Variants in TRIM42 observed in about 807,000 individuals in gnomAD.
TRIM42 encodes the protein tripartite motif containing 42.
Under a neutral mutation model 64.9 loss-of-function variants are expected in TRIM42, and 59 were observed. The ratio of observed to expected loss-of-function variants is 0.91; its 90% CI spans 0.74 to 1.13. TRIM42 has a LOEUF of 1.13. Ranked by LOEUF, TRIM42 falls within the 50% of genes most tolerant of loss-of-function variation. The probability of loss-of-function intolerance (pLI) is 0.00; values close to 1 mark genes in which losing one functional copy is unlikely to be tolerated. For missense variants in TRIM42, 878 were observed against 929.5 expected (o/e 0.94, Z 0.72); for synonymous variants, 354 against 346.3 (o/e 1.02, Z -0.25).
At chr3:140,700,562 G>A (rs1429088991) in intron 4 of TRIM42, among the ~76,000 whole-genome samples, 1 of 152,186 alleles carries the variant, frequency 6.6e-6, no homozygotes, top group Non-Finnish European at 1.5e-5. Flanking sequence ...GCTGAGGAAG[G>A]ATACAGAGGA....
chr3:140,689,818 C>T (rs1274065442), intron 3 of TRIM42, among the ~76,000 whole-genome samples: 2 of 150,764 alleles, frequency 1.3e-5, no homozygotes, highest in South Asian at 2.1e-4. Flanking sequence ...ATCGTGTATG[C>T]TTATTACCTC....
rs1190528770 is a variant in TRIM42 at position 140,690,994 on chromosome 3, C to T, written c.1887C>T (p.Asp629=). The change falls in exon 4 of 5, where the codon GAC becomes GAT. Residue 629 remains aspartate (D), a synonymous_variant. Coordinates refer to ENST00000286349, the MANE Select transcript of TRIM42 (RefSeq NM_152616.5). Reference sequence around the variant, plus strand: ...TTTACTGGACATGTCCAGCAGAAGACGTGGACTCTTTTGAGATGGAATTCT... The same window carrying T: ...TTTACTGGACATGTCCAGCAGAAGATGTGGACTCTTTTGAGATGGAATTCT... ...AKVYWTCPAE[D]VDSFEMEFYE... is the part of the protein sequence containing the mutation. 4 of 1,613,724 alleles carry T rather than the reference C, an allele frequency of 2.5e-6. No individual in the cohort carries two copies. Among genetic ancestry groups the T allele is most frequent in the Admixed American group, 3.3e-5 (2 of 59,994 alleles).
intron 2 of TRIM42, 86 bp downstream of exon 2, chr3:140,683,245 G>C: frequency 7.4e-7 from 1 of 1,348,136 alleles, no homozygotes; most frequent in South Asian, 1.3e-5. Context: ...TTAAGTGAGT[G>C]CCTTAACAGA....
chr3:140,680,792 G>A, intron 1 of TRIM42: 1 of 692,740 alleles, frequency 1.4e-6, no homozygotes, highest in Non-Finnish European at 1.8e-6. Flanking sequence ...ATATACACAG[G>A]GAGCATTCTC....
At chr3:140,693,273 T>C (rs1301624002) in intron 4 of TRIM42, among the ~76,000 whole-genome samples, 1 of 152,264 alleles carries the variant, frequency 6.6e-6, no homozygotes, top group East Asian at 1.9e-4. Flanking sequence ...ATTGTGTTTA[T>C]GTGATTAATT....
In TRIM42 at chr3:140,691,232, A is replaced by G. The variant is rs140845720; in HGVS notation, c.2085+40A>G. 7 of 1,564,602 alleles carry G rather than the reference A, an allele frequency of 4.5e-6. No homozygotes were observed. In the South Asian group the frequency reaches 5.6e-5, roughly 12 times the overall value. On this transcript the variant is annotated intron_variant, in intron 4 of 4. Transcript: ENST00000286349. The stretch of plus-strand genomic sequence containing the variant: ...ATTTCTCAGACAGATTTTTTTTTCT[A>G]TGGTAGGTTCTGGATGAGGCCCTGT...
chr3:140,680,619 T>G (rs1363072477), intron 1 of TRIM42: 7 of 962,566 alleles, frequency 7.3e-6, no homozygotes, highest in Non-Finnish European at 8.7e-6. Flanking sequence ...CAAACTAAAG[T>G]CCATCCAGGC....
chr3:140,697,724 C>T (rs1014466946), intron 4 of TRIM42, among the ~76,000 whole-genome samples: 1 of 152,224 alleles, frequency 6.6e-6, no homozygotes, highest in Non-Finnish European at 1.5e-5. Context: ...CGCTCTGTCG[C>T]CCAGGCTGGA....
Position 140,682,819 on chromosome 3 carries a change from C to T in TRIM42, c.699C>T (p.Ser233=), listed in dbSNP as rs778742727. The change falls in exon 2 of 5, where the codon TCC becomes TCT. Residue 233 remains serine (S), a synonymous_variant. Coordinates refer to ENST00000286349, the MANE Select transcript of TRIM42 (RefSeq NM_152616.5). The part of the protein sequence containing the change: ...GYLKWRFDRS[S]GPILCQVCRN... The stretch of plus-strand genomic sequence containing the variant: ...TCAAGTGGCGCTTTGACCGCTCCTC[C>T]GGGCCCATCCTCTGCCAGGTCTGCC... 2.5e-6 allele frequency: 4 copies of T among 1,614,060 alleles called. No homozygotes were observed. Among genetic ancestry groups the T allele is most frequent in the African/African-American group, 1.3e-5 (1 of 75,074 alleles).
rs140180389 is a variant in TRIM42, at chr3:140,681,283, G to A, written c.342-1179G>A. On this transcript the variant is annotated intron_variant, in intron 1 of 4. Coordinates refer to ENST00000286349, the MANE Select transcript of TRIM42 (RefSeq NM_152616.5). ...TTTCTCTCTACTGCAGACATTAGCT[G>A]GCTAGTAGCAAAGGGGTGTAATTAT... Among the ~76,000 whole-genome samples the A allele has an allele frequency of 2.8e-4, 42 of 152,290 alleles. No individual in the cohort carries two copies. The East Asian group carries it at 7.5e-3, about 27-fold the overall frequency.
At chr3:140,689,233 A>G (rs979642128) in intron 3 of TRIM42, among the ~76,000 whole-genome samples, 1 of 152,224 alleles carries the variant, frequency 6.6e-6, no homozygotes, top group Admixed American at 6.5e-5. Context: ...CTGAACCCAC[A>G]CGGAATTGTT....
chr3:140,694,050 C>T (rs953435174), intron 4 of TRIM42, among the ~76,000 whole-genome samples: 1 of 152,134 alleles, frequency 6.6e-6, no homozygotes, highest in Non-Finnish European at 1.5e-5. Flanking sequence ...GAGTGGACAC[C>T]TTGGTCTGTA....
At chr3:140,690,654 A>T (rs531807803) in intron 3 of TRIM42, among the ~76,000 whole-genome samples, 4 of 149,188 alleles carry the variant, frequency 2.7e-5, no homozygotes, top group African/African-American at 9.9e-5. Flanking sequence ...TTGTGATATT[A>T]TGAGTGATGT....
intron 3 of TRIM42, among the ~76,000 whole-genome samples, chr3:140,689,924 T>C (rs781032175): frequency 6.6e-6 from 1 of 151,916 alleles, no homozygotes; most frequent in Non-Finnish European, 1.5e-5. Flanking sequence ...TAGTATCTGC[T>C]CTATACCTGG....
chr3:140,680,356 A>T (rs1170960456), intron 1 of TRIM42, among the ~76,000 whole-genome samples: 1 of 151,208 alleles, frequency 6.6e-6, no homozygotes, highest in Non-Finnish European at 1.5e-5. Flanking sequence ...CTCTGGTCTC[A>T]TTCATCCCTC....
At chr3:140,683,389 G>A (rs1281232018) in intron 2 of TRIM42, among the ~76,000 whole-genome samples, 2 of 146,938 alleles carry the variant, frequency 1.4e-5, no homozygotes, top group African/African-American at 2.4e-5. Context: ...CCTATGAAAC[G>A]GGAATAGTAG....
At position 140,682,718 on chromosome 3, in the gene TRIM42, A is replaced by G. The variant is rs755172582; in HGVS notation, c.598A>G (p.Ser200Gly). The G allele has an allele frequency of 3.1e-6, 5 of 1,612,572 alleles. No homozygotes were observed. Among genetic ancestry groups the G allele is most frequent in the Non-Finnish European group, 4.2e-6 (5 of 1,179,998 alleles). The change falls in exon 2 of 5, where the codon AGC (serine) becomes GGC (glycine). Residue 200 changes from serine to glycine, a missense_variant. Physicochemically the swap from Ser to Gly is moderately conservative, Grantham distance 56. Coordinates refer to ENST00000286349, the MANE Select transcript of TRIM42 (RefSeq NM_152616.5). ...CGACCGCTCGCACTGCATGCCCTAC[A>G]GCAACAAGATGCAGCTGCCCGAGAA... ...VCDRSHCMPYSNKMQLPENYL... is the reference protein window; with the variant it reads ...VCDRSHCMPYGNKMQLPENYL...
Position 140,682,780 on chromosome 3 carries a change from G to A in TRIM42, c.660G>A (p.Gln220=). The change falls in exon 2 of 5, where the codon CAG becomes CAA. Residue 220 remains glutamine (Q), a synonymous_variant. Coordinates refer to ENST00000286349, the MANE Select transcript of TRIM42 (RefSeq NM_152616.5). ...LHGRLTKRYM[Q]EHGYLKWRFD... ...GGCGTCTCACCAAGCGCTACATGCA[G>A]GAGCACGGCTACCTCAAGTGGCGCT... is the stretch of plus-strand genomic sequence containing the variant. 1 of 1,613,576 alleles carries A rather than the reference G, an allele frequency of 6.2e-7. No homozygotes were observed. Among genetic ancestry groups the A allele is most frequent in the East Asian group, 2.2e-5 (1 of 44,882 alleles).
intron 2 of TRIM42, 29 bp downstream of exon 2, chr3:140,683,188 A>C: frequency 6.2e-7 from 1 of 1,608,994 alleles, no homozygotes; most frequent in Non-Finnish European, 8.5e-7. Context: ...CCTTCAGCCT[A>C]ACTTCTAGTT....
Sources: gnomAD v4.1 joint callset for allele counts (sites outside exome capture counted in the v4.1 genomes callset) on GRCh38, gnomAD v4.1.1 for gene constraint, MANE v1.5 for transcripts, NCBI Gene and HGNC (gene_info 2026-07-23, HGNC 2026-07-21) for gene names.